Variants in SLC38A10 observed in about 807,000 individuals in gnomAD.
SLC38A10 encodes the protein solute carrier family 38 member 10.
Under a neutral mutation model 81.0 loss-of-function variants are expected in SLC38A10, and 53 were observed. The ratio of observed to expected loss-of-function variants is 0.65; its 90% CI spans 0.53 to 0.82. The LOEUF (loss-of-function observed/expected upper bound fraction) is 0.82, where lower values mean the gene tolerates loss of function less well. Among genes scored for constraint, SLC38A10 ranks in the 40% least tolerant of loss-of-function variants. The pLI is 0.00. For synonymous variants in SLC38A10, 665 were observed against 655.3 expected, an observed-to-expected ratio of 1.01 and a Z score of -0.23; for missense variants, 1,471 against 1,545.0, an observed-to-expected ratio of 0.95 and a Z score of 0.80.
intron 4 of SLC38A10, 27 bp from the exon 5 acceptor site, chr17:81,282,359 G>C (rs773417474): frequency 1.3e-6 from 2 of 1,587,078 alleles, no homozygotes; most frequent in Non-Finnish European, 1.7e-6. Flanking sequence ...GGGGGTCTTG[G>C]CCACAGCCCG....
In SLC38A10 at chr17:81,289,789, G is replaced by GC; in HGVS notation, c.118dup (p.Ala40GlyfsTer181). ...CCATGAGCAGAAGACCAAGAGCAGC[G>GC]CCCCCAGGACGATGCCGCACTGCAG... On this transcript the variant is annotated frameshift_variant, in exon 2 of 16. Transcript: ENST00000374759. LOFTEE classifies it high-confidence loss of function. The surrounding 1 kb of genome is among the most constrained non-coding windows in gnomAD (Gnocchi z 5.9). 2 of 1,604,180 alleles carry GC rather than the reference G, an allele frequency of 1.2e-6. No homozygotes were observed. The highest frequency in any genetic ancestry group is 8.5e-7 in the Non-Finnish European group (1 of 1,176,620).
At chr17:81,284,526 T>A (rs973831597) in intron 3 of SLC38A10, among the ~76,000 whole-genome samples, 1 of 152,224 alleles carries the variant, frequency 6.6e-6, no homozygotes, top group Non-Finnish European at 1.5e-5. Context: ...TGAAATTTTA[T>A]GCCAAAGGAA....
intron 10 of SLC38A10, among the ~76,000 whole-genome samples, chr17:81,266,270 G>A (rs538466126): frequency 2.6e-5 from 4 of 152,208 alleles, no homozygotes; most frequent in Non-Finnish European, 5.9e-5. Flanking sequence ...GTGAACGGGC[G>A]AAAATGTCAC....
Position 81,252,233 on chromosome 17 carries a change from G to A in SLC38A10, c.1907C>T (p.Ala636Val). Residue 636 changes from alanine (A) to valine (V), a missense_variant, in exon 13 of 16, where the codon GCC becomes GTC. Coordinates refer to ENST00000374759, the MANE Select transcript of SLC38A10 (RefSeq NM_001037984.3). ...CTCTGCGGGCTGCCCTGTGTCCCCG[G>A]CGGCGTTGCCTGGCGGCGGTCCCCC... ...AKGGPPPGNA[A>V]GDTGQPAEDS... 1 of 1,543,018 alleles carries A rather than the reference G, an allele frequency of 6.5e-7. No homozygotes were observed. The highest frequency in any genetic ancestry group is 8.7e-7 in the Non-Finnish European group (1 of 1,147,714).
At position 81,251,099 on chromosome 17, in the gene SLC38A10, G is replaced by T. The variant is rs368971915; in HGVS notation, c.2065+394C>A. 1.3e-4 allele frequency: 200 copies of T among 1,498,918 alleles called. 1 individual carries two copies. In the East Asian group the frequency reaches 4.3e-3, roughly 32 times the overall value. The allele number at this position is 1,498,918 out of a possible 1,614,324, so 92.9% of individuals were successfully genotyped here. A position where few individuals can be genotyped will look rare whatever the true frequency, so the allele number is the denominator to read the frequency against. On this transcript the variant is annotated intron_variant, in intron 14 of 15. Coordinates refer to ENST00000374759, the MANE Select transcript of SLC38A10 (RefSeq NM_001037984.3). The stretch of plus-strand genomic sequence containing the variant: ...CCTTAAAATAAACCTCCACATCTGG[G>T]TGCAGGCACGCCCACACCTGGCTGG...
chr17:81,257,755 GC>G (rs2062986062), intron 11 of SLC38A10, among the ~76,000 whole-genome samples: 1 of 152,236 alleles, frequency 6.6e-6, no homozygotes, highest in South Asian at 2.1e-4. Context: ...TCTCAGCCAG[GC>G]CCCTGCCTCA....
chr17:81,285,178 T>G (rs896914880), intron 2 of SLC38A10: 1 of 318,472 alleles, frequency 3.1e-6, no homozygotes, highest in African/African-American at 2.2e-5. Flanking sequence ...GTCCCTGCGA[T>G]GCAGTCCTCC....
In SLC38A10 at chr17:81,289,364, TTTTTTAATTTGA is replaced by T. The variant is rs1432826597; in HGVS notation, c.217+315_217+326del. On this transcript the variant is annotated intron_variant, in intron 2 of 15. Coordinates refer to ENST00000374759, the MANE Select transcript of SLC38A10 (RefSeq NM_001037984.3). The surrounding 1 kb of genome is among the most constrained non-coding windows in gnomAD (Gnocchi z 5.9). ...GCAGGTTTTTTTTTTAACTGCATTT[TTTTTTAATTTGA>T]TTTTTAATTCTTTTGAGACAGGGTC... Among the ~76,000 whole-genome samples the T allele has an allele frequency of 5.3e-5, 8 of 152,026 alleles. No individual in the cohort carries two copies. The highest frequency in any genetic ancestry group is 1.3e-4 in the Admixed American group (2 of 15,248).
At chr17:81,278,556 T>C (rs1385761814) in intron 6 of SLC38A10, among the ~76,000 whole-genome samples, 1 of 151,962 alleles carries the variant, frequency 6.6e-6, no homozygotes, top group Non-Finnish European at 1.5e-5. Flanking sequence ...CGGCCCAGGC[T>C]AGAAGGGAGC....
Position 81,246,436 on chromosome 17 carries a change from CG to C in SLC38A10, c.2479del (p.Arg827GlyfsTer7), listed in dbSNP as rs1194928297. On this transcript the variant is annotated frameshift_variant, in exon 16 of 16. Transcript: ENST00000374759. LOFTEE classifies it low-confidence loss of function (END_TRUNC). ...PPDGGPDTEPRAAQAKLRDGQ... is the reference protein window; with the variant it reads ...PPDGGPDTEPXAAQAKLRDGQ... ...ATCTCTCAGCTTGGCCTGGGCTGCC[CG>C]AGGCTCTGTGTCAGGGCCGCCGTCA... The C allele has an allele frequency of 1.3e-6, 2 of 1,595,524 alleles. No homozygotes were observed. Among genetic ancestry groups the C allele is most frequent in the Admixed American group, 3.5e-5 (2 of 57,706 alleles).
intron 10 of SLC38A10, chr17:81,264,468 TCCAGGGGCCTGA>T (rs1313466424): frequency 6.6e-6 from 1 of 152,014 alleles, no homozygotes; most frequent in African/African-American, 2.4e-5. Context: ...GCTTGGAAAA[TCCAGGGGCCTGA>T]CCAGGGGCCG....
intron 1 of SLC38A10, among the ~76,000 whole-genome samples, chr17:81,293,478 G>GTT (rs143962907): frequency 3.4e-5 from 5 of 148,974 alleles, no homozygotes; most frequent in Non-Finnish European, 7.5e-5. Flanking sequence ...AAAAAAAGTT[G>GTT]TTTTTTTTTT....
rs1235580705 is a variant in SLC38A10 at position 81,277,361 on chromosome 17, G to A, written c.627-228C>T. Among the ~76,000 whole-genome samples, 8 of 152,206 alleles carry A rather than the reference G, an allele frequency of 5.3e-5. No homozygotes were observed. In the East Asian group the frequency reaches 1.3e-3, roughly 26 times the overall value. On this transcript the variant is annotated intron_variant, in intron 6 of 15. Transcript: ENST00000374759. The surrounding 1 kb of genome is among the most constrained non-coding windows in gnomAD (Gnocchi z 4.5). ...ACACCCCCCAGAGCGTGCACCATGC[G>A]AACATTCCCCAAGGCTACAGAACGA...
chr17:81,249,786 C>T (rs1173147186), intron 14 of SLC38A10, among the ~76,000 whole-genome samples: 2 of 152,150 alleles, frequency 1.3e-5, no homozygotes, highest in African/African-American at 4.8e-5. Flanking sequence ...CCCTAAGCAG[C>T]CTGCACTCAG....
In SLC38A10 at chr17:81,246,987, G is replaced by T; in HGVS notation, c.2140C>A (p.Arg714Ser). 1 of 1,606,106 alleles carries T rather than the reference G, an allele frequency of 6.2e-7. No individual in the cohort carries two copies. ...AGCTTCTCCTGCTGGTCCAGCAAGC[G>T]CTTTTGCTGCACCTGCTGTTCTTTG... ...VIKEQQVQQKRLLDQQEKLLA... is the reference protein window; with the variant it reads ...VIKEQQVQQKSLLDQQEKLLA... Residue 714 changes from arginine to serine, a missense_variant, in exon 15 of 16, where the codon CGC becomes AGC. By Grantham distance (110) the Arg-to-Ser change is moderately radical. Coordinates refer to ENST00000374759, the MANE Select transcript of SLC38A10 (RefSeq NM_001037984.3).
chr17:81,291,192 T>G (rs957160656), intron 1 of SLC38A10, among the ~76,000 whole-genome samples: 14 of 150,948 alleles, frequency 9.3e-5, no homozygotes, highest in African/African-American at 3.2e-4. Context: ...CTCAAACACA[T>G]AAGTCCGGCT....
At chr17:81,279,571 C>T (rs1326109917) in intron 6 of SLC38A10, 1 of 152,828 alleles carries the variant, frequency 6.5e-6, no homozygotes, top group Non-Finnish European at 1.5e-5. Context: ...CCTGCACATC[C>T]TCAGGGCGGG....
rs1359167421 is a variant in SLC38A10 at position 81,265,582 on chromosome 17, A to C, written c.1132-5188T>G. On this transcript the variant is annotated intron_variant, in intron 10 of 15. Transcript: ENST00000374759. The surrounding 1 kb of genome is among the most constrained non-coding windows in gnomAD (Gnocchi z 4.2). Reference sequence around the variant, plus strand: ...ACTTCCCTGTCCACCCCAGCATATCACCAGTTGTGGCTCTTCCTGAGGTCC... The same window carrying C: ...ACTTCCCTGTCCACCCCAGCATATCCCCAGTTGTGGCTCTTCCTGAGGTCC... Among the ~76,000 whole-genome samples the C allele has an allele frequency of 6.6e-6, 1 of 151,950 alleles. No homozygotes were observed. Among genetic ancestry groups the C allele is most frequent in the Non-Finnish European group, 1.5e-5 (1 of 67,954 alleles).
At chr17:81,248,347 T>C (rs1020793254) in intron 14 of SLC38A10, among the ~76,000 whole-genome samples, 4 of 152,164 alleles carry the variant, frequency 2.6e-5, no homozygotes, top group Non-Finnish European at 5.9e-5. Context: ...CACCATCCAC[T>C]GTGGAAATTC....
Sources: gnomAD v4.1 joint callset for allele counts (sites outside exome capture counted in the v4.1 genomes callset) on GRCh38, gnomAD v4.1.1 for gene constraint, Gnocchi (gnomAD v3.1) non-coding constraint, MANE v1.5 for transcripts, NCBI Gene and HGNC (gene_info 2026-07-23, HGNC 2026-07-21) for gene names.